The following RHOQ variants were observed in gnomAD, a reference collection of about 807,000 sequenced individuals.
The protein encoded by RHOQ is ras homolog family member Q.
A neutral mutation model predicts 25.8 loss-of-function variants in RHOQ; 7 were observed. That is an observed-to-expected ratio of 0.27 (90% CI 0.15 to 0.51). The LOEUF (loss-of-function observed/expected upper bound fraction) is 0.51. Ranked by LOEUF, RHOQ falls within the 20% of genes least tolerant of loss-of-function variation. The pLI, the probability that RHOQ is intolerant of heterozygous loss-of-function variation, is 0.97. For missense variants in RHOQ, 165 were observed against 260.6 expected, an observed-to-expected ratio of 0.63 and a Z score of 2.53; for synonymous variants, 97 against 98.6, an observed-to-expected ratio of 0.98 and a Z score of 0.10.
At chr2:46,572,012 A>G (rs1326900701) in intron 2 of RHOQ, among the ~76,000 whole-genome samples, 2 of 151,364 alleles carry the variant, frequency 1.3e-5, no homozygotes, top group Non-Finnish European at 2.9e-5. Context: ...GCCATTGGCT[A>G]CATTTCTCTG....
chr2:46,546,020 C>T (rs1220742267), intron 2 of RHOQ, among the ~76,000 whole-genome samples: 1 of 152,086 alleles, frequency 6.6e-6, no homozygotes, highest in Non-Finnish European at 1.5e-5. Context: ...GTGTTAGGCC[C>T]CATTGGTGTT....
intron 2 of RHOQ, among the ~76,000 whole-genome samples, chr2:46,553,272 T>A (rs1419498449): frequency 6.7e-6 from 1 of 150,270 alleles, no homozygotes; most frequent in Admixed American, 6.6e-5. Flanking sequence ...CTGTCTTACA[T>A]ACACACTGTC....
Position 46,581,753 on chromosome 2 carries a change from G to C in RHOQ, c.*670G>C. 9.7e-7 allele frequency: 1 copy of C among 1,031,988 alleles called. No individual in the cohort carries two copies. Among genetic ancestry groups the C allele is most frequent in the Non-Finnish European group, 1.3e-6 (1 of 750,868 alleles). 63.9% of individuals were successfully genotyped at this position (1,031,988 alleles called of 1,614,324 possible). A position where few individuals can be genotyped will look rare whatever the true frequency, so the allele number is the denominator to read the frequency against. Reference sequence around the variant, plus strand: ...TGCATTTATCATGAACACTAAAAATGTACACATTTTAGTTAATGTGCATTA... The same window carrying C: ...TGCATTTATCATGAACACTAAAAATCTACACATTTTAGTTAATGTGCATTA... On this transcript the variant is annotated 3_prime_UTR_variant, in exon 5 of 5. Coordinates refer to ENST00000238738, the MANE Select transcript of RHOQ (RefSeq NM_012249.4).
chr2:46,552,391 GC>G lies in RHOQ; in HGVS notation c.201+8580del. Among the ~76,000 whole-genome samples the G allele has an allele frequency of 6.6e-6, 1 of 152,318 alleles. No individual in the cohort carries two copies. The highest frequency in any genetic ancestry group is 2.4e-5 in the African/African-American group (1 of 41,570). ...GGGACAGGGAAATGCTGTTTGGGGG[GC>G]TGCCAGGCGGGCCAGCTTTAGCCTG... On this transcript the variant is annotated intron_variant, in intron 2 of 4. Transcript: ENST00000238738. This position sits in a 1 kb window ranked among gnomAD's most constrained non-coding sequence, Gnocchi z 5.0.
chr2:46,573,709 A>C (rs1669012890), intron 2 of RHOQ, among the ~76,000 whole-genome samples: 1 of 152,128 alleles, frequency 6.6e-6, no homozygotes, highest in Admixed American at 6.5e-5. Context: ...ATTAGTTTTT[A>C]TTTCTTGTCA....
rs1667852514 is a variant in RHOQ at position 46,542,675 on chromosome 2, T to G, written c.-372T>G. Reference sequence around the variant, plus strand: ...TTGGCGCGGGGCGGGGAGAGCCGCCTGGCCCCTCCCCTCCGCCGCCCTCCC... The same window carrying G: ...TTGGCGCGGGGCGGGGAGAGCCGCCGGGCCCCTCCCCTCCGCCGCCCTCCC... On this transcript the variant is annotated 5_prime_UTR_variant, in exon 1 of 5. Coordinates refer to ENST00000238738, the MANE Select transcript of RHOQ (RefSeq NM_012249.4). The G allele has an allele frequency of 6.8e-6, 1 of 146,434 alleles. No individual in the cohort carries two copies. The highest frequency in any genetic ancestry group is 6.8e-5 in the Admixed American group (1 of 14,768). The allele number at this position is 146,434 out of a possible 1,614,324, so 9.1% of individuals were successfully genotyped here.
intron 2 of RHOQ, among the ~76,000 whole-genome samples, chr2:46,554,415 G>A (rs1010082986): frequency 6.6e-6 from 1 of 152,082 alleles, no homozygotes; most frequent in Non-Finnish European, 1.5e-5. Flanking sequence ...TTCTTGATGC[G>A]GCCTAAACAC....
In RHOQ at chr2:46,543,646, C is replaced by A. The variant is rs1667925221; in HGVS notation, c.143-108C>A. ...GGTGACATCTCGCGGGGAGCGCCCC[C>A]ACGCCTCTAGCTGGGTTGGGAGAGG... On this transcript the variant is annotated intron_variant, in intron 1 of 4. Transcript: ENST00000238738. 4 of 936,588 alleles carry A rather than the reference C, an allele frequency of 4.3e-6. 1 individual carries two copies. Among genetic ancestry groups the A allele is most frequent in the Non-Finnish European group, 6.7e-6 (4 of 595,896 alleles). The allele number at this position is 936,588 out of a possible 1,614,324, so 58.0% of individuals were successfully genotyped here.
chr2:46,576,008 G>T lies in RHOQ; in HGVS notation c.202-79G>T. ...GGAGTACTCCTGAATTTGCATCTTT[G>T]ACCATGTAATCTAATGTACATATTA... On this transcript the variant is annotated intron_variant, in intron 2 of 4. Coordinates refer to ENST00000238738, the MANE Select transcript of RHOQ (RefSeq NM_012249.4). The surrounding 1 kb of genome is among the most constrained non-coding windows in gnomAD (Gnocchi z 5.1). 2 of 1,245,716 alleles carry T rather than the reference G, an allele frequency of 1.6e-6. No homozygotes were observed. The highest frequency in any genetic ancestry group is 3.8e-5 in the South Asian group (2 of 52,780). 77.2% of individuals were successfully genotyped at this position (1,245,716 alleles called of 1,614,324 possible).
chr2:46,555,945 A>C lies in RHOQ; in HGVS notation c.201+12133A>C, dbSNP rs79467207. Among the ~76,000 whole-genome samples the C allele has an allele frequency of 1.1e-4, 16 of 152,320 alleles. No individual in the cohort carries two copies. In the East Asian group the frequency reaches 2.9e-3, roughly 28 times the overall value. On this transcript the variant is annotated intron_variant, in intron 2 of 4. Coordinates refer to ENST00000238738, the MANE Select transcript of RHOQ (RefSeq NM_012249.4). This position sits in a 1 kb window ranked among gnomAD's most constrained non-coding sequence, Gnocchi z 4.3. ...CTCAGAGAAATTGCTGGTGTGTCAA[A>C]CTGCTTGATATGTAAGTTTCCTCCT...
In RHOQ at chr2:46,576,124, T is replaced by C. The variant is rs375908303; in HGVS notation, c.239T>C (p.Met80Thr). The change falls in exon 3 of 5, where the codon ATG becomes ACG. Residue 80 changes from methionine to threonine, a missense_variant. Transcript: ENST00000238738. The surrounding 1 kb of genome is among the most constrained non-coding windows in gnomAD (Gnocchi z 5.1). Reference sequence around the variant, plus strand: ...CGTCTGAGGCCTTTATCTTACCCAATGACCGATGTCTTCCTTATATGCTTC... The same window carrying C: ...CGTCTGAGGCCTTTATCTTACCCAACGACCGATGTCTTCCTTATATGCTTC... ...YDRLRPLSYPMTDVFLICFSV... is the reference protein window; with the variant it reads ...YDRLRPLSYPTTDVFLICFSV... The C allele has an allele frequency of 5.6e-6, 9 of 1,612,306 alleles. No homozygotes were observed. Among genetic ancestry groups the C allele is most frequent in the African/African-American group, 1.3e-5 (1 of 74,696 alleles).
intron 2 of RHOQ, among the ~76,000 whole-genome samples, chr2:46,564,967 A>T (rs1351629350): frequency 6.6e-6 from 1 of 152,234 alleles, no homozygotes; most frequent in Non-Finnish European, 1.5e-5. Context: ...AGCCCTGAAT[A>T]ATCTCCATGA....
intron 2 of RHOQ, chr2:46,560,619 A>G (rs148100042): frequency 1.7e-4 from 79 of 456,292 alleles, no homozygotes; most frequent in African/African-American, 1.4e-3. Flanking sequence ...ATACGAGAGC[A>G]TGGGTTTCCA....
intron 2 of RHOQ, among the ~76,000 whole-genome samples, chr2:46,550,046 A>G (rs1029414294): frequency 3.3e-5 from 5 of 151,982 alleles, no homozygotes; most frequent in African/African-American, 9.7e-5. Context: ...GGACAACACA[A>G]CAAGACCCCC....
At chr2:46,557,462 A>T (rs1015169451) in intron 2 of RHOQ, among the ~76,000 whole-genome samples, 5 of 152,196 alleles carry the variant, frequency 3.3e-5, no homozygotes, top group Non-Finnish European at 7.3e-5. Flanking sequence ...AAAACCATAT[A>T]TATATGTATA....
intron 2 of RHOQ, among the ~76,000 whole-genome samples, chr2:46,573,220 C>T (rs569038916): frequency 8.5e-4 from 130 of 152,176 alleles, no homozygotes; most frequent in African/African-American, 2.8e-3. Flanking sequence ...TGCACCACCA[C>T]GGCCAGATAA....
At position 46,548,454 on chromosome 2, in the gene RHOQ, C is replaced by G. The variant is rs1449067014; in HGVS notation, c.201+4642C>G. 1.3e-5 allele frequency among the ~76,000 whole-genome samples: 2 copies of G among 152,226 alleles called. No homozygotes were observed. Among genetic ancestry groups the G allele is most frequent in the Admixed American group, 1.3e-4 (2 of 15,290 alleles). On this transcript the variant is annotated intron_variant, in intron 2 of 4. Coordinates refer to ENST00000238738, the MANE Select transcript of RHOQ (RefSeq NM_012249.4). This position sits in a 1 kb window ranked among gnomAD's most constrained non-coding sequence, Gnocchi z 5.2. Reference sequence around the variant, plus strand: ...CCCACCTCCAGGCAAGTCATCCTCACAACACCCTTCAAGGTAGACTTCTCC... The same window carrying G: ...CCCACCTCCAGGCAAGTCATCCTCAGAACACCCTTCAAGGTAGACTTCTCC...
chr2:46,581,280 C>T lies in RHOQ; in HGVS notation c.*197C>T. On this transcript the variant is annotated 3_prime_UTR_variant, in exon 5 of 5. Coordinates refer to ENST00000238738, the MANE Select transcript of RHOQ (RefSeq NM_012249.4). ...AGAAGCAGTAAGCAGCATCTGAAGC[C>T]ACAATCTATTATAAATACTTTATTT... 1 of 976,404 alleles carries T rather than the reference C, an allele frequency of 1.0e-6. No homozygotes were observed. The highest frequency in any genetic ancestry group is 1.5e-6 in the Non-Finnish European group (1 of 672,660). 60.5% of individuals were successfully genotyped at this position (976,404 alleles called of 1,614,324 possible). A position where few individuals can be genotyped will look rare whatever the true frequency, so the allele number is the denominator to read the frequency against.
chr2:46,579,807 A>C (rs1192905120), intron 4 of RHOQ, among the ~76,000 whole-genome samples: 1 of 151,302 alleles, frequency 6.6e-6, no homozygotes, highest in East Asian at 2.0e-4. Flanking sequence ...ATCGAACCAT[A>C]GTACTCCAGC....
Sources: gnomAD v4.1 joint callset for allele counts (sites outside exome capture counted in the v4.1 genomes callset) on GRCh38, gnomAD v4.1.1 for gene constraint, Gnocchi (gnomAD v3.1) non-coding constraint, MANE v1.5 for transcripts, NCBI Gene and HGNC (gene_info 2026-07-23, HGNC 2026-07-21) for gene names.